Variants in PLA2G12A observed in about 807,000 individuals in gnomAD.
The protein encoded by PLA2G12A is phospholipase A2 group XIIA.
Under a neutral mutation model 16.0 loss-of-function variants are expected in PLA2G12A, and 11 were observed. The observed-to-expected ratio is 0.69, with a 90% CI of 0.43 to 1.13. The LOEUF (loss-of-function observed/expected upper bound fraction) is 1.13. Among genes scored for constraint, PLA2G12A ranks in the 50% most tolerant of loss-of-function variants. The pLI, the probability that PLA2G12A is intolerant of heterozygous loss-of-function variation, is 0.00. For missense variants in PLA2G12A, 214 were observed against 237.3 expected (o/e 0.90, Z 0.65); for synonymous variants, 77 against 93.8 (o/e 0.82, Z 1.03).
At chr4:109,715,702 T>C (rs1276639143) in intron 3 of PLA2G12A, among the ~76,000 whole-genome samples, 4 of 152,158 alleles carry the variant, frequency 2.6e-5, no homozygotes, top group Non-Finnish European at 4.4e-5. Flanking sequence ...CTCAAACTCC[T>C]GGGCTCAAGT....
rs764056552 is a variant in PLA2G12A at position 109,729,607 on chromosome 4, C to T, written c.203G>A (p.Ser68Asn). The T allele has an allele frequency of 6.2e-7, 1 of 1,608,010 alleles. No individual in the cohort carries two copies. The highest frequency in any genetic ancestry group is 1.1e-5 in the South Asian group (1 of 90,900). ...GEDGLCQYKC[S>N]DGSKPFPRYG... The stretch of plus-strand genomic sequence containing the variant: ...GGGCCCGGGTGCCCCCTCACCGTCA[C>T]TGCATTTATACTGGCAGAGACCGTC... Residue 68 changes from serine (S) to asparagine (N), a missense_variant, in exon 1 of 4, where the codon AGT becomes AAT. Physicochemically the swap from Ser to Asn is conservative, Grantham distance 46. Coordinates refer to ENST00000243501, the MANE Select transcript of PLA2G12A (RefSeq NM_030821.5).
At chr4:109,715,648 AT>A (rs1413141762) in intron 3 of PLA2G12A, among the ~76,000 whole-genome samples, 1 of 151,560 alleles carries the variant, frequency 6.6e-6, no homozygotes, top group Non-Finnish European at 1.5e-5. Context: ...TAATTTTTGT[AT>A]TTTTTGTTAG....
intron 1 of PLA2G12A, among the ~76,000 whole-genome samples, chr4:109,719,964 T>C (rs529728658): frequency 1.3e-5 from 2 of 152,326 alleles, no homozygotes; most frequent in African/African-American, 4.8e-5. Context: ...CACATTAAAA[T>C]GAAGTATGCT....
At chr4:109,728,650 T>C (rs1722984406) in intron 1 of PLA2G12A, among the ~76,000 whole-genome samples, 1 of 152,202 alleles carries the variant, frequency 6.6e-6, no homozygotes, top group African/African-American at 2.4e-5. Flanking sequence ...GCAGGCAGCA[T>C]GTGGCATCAT....
At chr4:109,720,215 T>G (rs1730897914) in intron 1 of PLA2G12A, among the ~76,000 whole-genome samples, 1 of 152,192 alleles carries the variant, frequency 6.6e-6, no homozygotes, top group Non-Finnish European at 1.5e-5. Flanking sequence ...ACAATTTATC[T>G]TGCCTTCTAA....
intron 1 of PLA2G12A, among the ~76,000 whole-genome samples, chr4:109,723,897 C>T (rs1263865831): frequency 6.6e-6 from 1 of 152,148 alleles, no homozygotes; most frequent in Non-Finnish European, 1.5e-5. Context: ...AAAAAAGTGT[C>T]TAGTGGTTAA....
rs187486257 is a variant in PLA2G12A, at chr4:109,723,978, C to T, written c.209-5219G>A. 1.2e-4 allele frequency among the ~76,000 whole-genome samples: 18 copies of T among 152,248 alleles called. No individual in the cohort carries two copies. In the East Asian group the frequency reaches 3.1e-3, roughly 26 times the overall value. On this transcript the variant is annotated intron_variant, in intron 1 of 3. Coordinates refer to ENST00000243501, the MANE Select transcript of PLA2G12A (RefSeq NM_030821.5). ...TATCCTATGTTTCCAACTTTTTAGA[C>T]ACCTTGTACATTCTCCCTCCCTCCC...
intron 1 of PLA2G12A, among the ~76,000 whole-genome samples, chr4:109,722,525 G>A (rs1043842443): frequency 2.0e-5 from 3 of 152,194 alleles, no homozygotes; most frequent in Non-Finnish European, 1.5e-5. Context: ...ATCACCATGT[G>A]AGGACACAGC....
intron 1 of PLA2G12A, among the ~76,000 whole-genome samples, chr4:109,722,946 G>C (rs370989640): frequency 1.2e-4 from 19 of 152,286 alleles, no homozygotes; most frequent in East Asian, 9.7e-4. Context: ...GGAAGGCTTG[G>C]AATATTCATT....
rs1457079635 is a variant in PLA2G12A, at chr4:109,729,774, C to G, written c.36G>C (p.Leu12=). 7.7e-6 allele frequency: 12 copies of G among 1,567,028 alleles called. No homozygotes were observed. In the East Asian group the frequency reaches 2.1e-4, roughly 28 times the overall value. The change falls in exon 1 of 4, where the codon CTG becomes CTC. Residue 12 remains leucine, a synonymous_variant. Transcript: ENST00000243501. ...ALLSRPALTL[L]LLLMAAVVRC... ...TGACAACAGCGGCCATGAGGAGGAG[C>G]AGGAGGGTGAGCGCGGGGCGCGAGA... is the stretch of plus-strand genomic sequence containing the variant.
At chr4:109,715,617 C>A (rs956272269) in intron 3 of PLA2G12A, among the ~76,000 whole-genome samples, 2 of 152,142 alleles carry the variant, frequency 1.3e-5, no homozygotes, top group Admixed American at 6.5e-5. Context: ...TTCTGAGTAA[C>A]TGGGACTATA....
chr4:109,722,389 T>C (rs553184244), intron 1 of PLA2G12A, among the ~76,000 whole-genome samples: 28 of 152,362 alleles, frequency 1.8e-4, no homozygotes, highest in African/African-American at 6.7e-4. Flanking sequence ...TGTTGAAACC[T>C]AATCACCAAT....
rs966952100 is a variant in PLA2G12A at position 109,712,616 on chromosome 4, C to A, written c.*1761G>T. 6.6e-6 allele frequency: 1 copy of A among 152,140 alleles called. No individual in the cohort carries two copies. Among genetic ancestry groups the A allele is most frequent in the African/African-American group, 2.4e-5 (1 of 41,392 alleles). 9.4% of individuals were successfully genotyped at this position (152,140 alleles called of 1,614,324 possible). ...GGTTCAAGTGATTCTCGTACCTCAG[C>A]TTCCTGAGTAGCTGAGACTATAAGC... On this transcript the variant is annotated 3_prime_UTR_variant, in exon 4 of 4. Transcript: ENST00000243501.
intron 3 of PLA2G12A, among the ~76,000 whole-genome samples, chr4:109,714,930 CAG>C (rs1186685181): frequency 6.6e-6 from 1 of 150,476 alleles, no homozygotes; most frequent in Non-Finnish European, 1.5e-5. Flanking sequence ...TAATTTTAAA[CAG>C]ACACACAACA....
rs903000414 is a variant in PLA2G12A, at chr4:109,718,558, C to A, written c.285+125G>T. 5.8e-6 allele frequency: 4 copies of A among 693,056 alleles called. No homozygotes were observed. The East Asian group carries it at 1.2e-4, about 21-fold the overall frequency. The allele number at this position is 693,056 out of a possible 1,614,324, so 42.9% of individuals were successfully genotyped here. A position where few individuals can be genotyped will look rare whatever the true frequency, so the allele number is the denominator to read the frequency against. ...GTTTTGCCAAAAAGAATCTAATAAA[C>A]CTGATCACTCTTACACCCAGCTAAA... is the stretch of plus-strand genomic sequence containing the variant. On this transcript the variant is annotated intron_variant, in intron 2 of 3. Coordinates refer to ENST00000243501, the MANE Select transcript of PLA2G12A (RefSeq NM_030821.5).
chr4:109,722,177 G>A (rs1319051650), intron 1 of PLA2G12A, among the ~76,000 whole-genome samples: 1 of 152,182 alleles, frequency 6.6e-6, no homozygotes, highest in African/African-American at 2.4e-5. Context: ...GTCTTCCCAT[G>A]ATTTCTCTGA....
chr4:109,722,087 C>CAT (rs1730955391), intron 1 of PLA2G12A, among the ~76,000 whole-genome samples: 1 of 152,192 alleles, frequency 6.6e-6, no homozygotes, highest in Admixed American at 6.5e-5. Flanking sequence ...TTTTTCTGCT[C>CAT]AGAGACGCTT....
In PLA2G12A at chr4:109,712,832, G is replaced by C. The variant is rs1482951479; in HGVS notation, c.*1545C>G. ...ATTATTAATAATGGCTTACAAAACT[G>C]TACCTTTTATAAAGGTTTGAAATAA... On this transcript the variant is annotated 3_prime_UTR_variant, in exon 4 of 4. Transcript: ENST00000243501. 6.6e-6 allele frequency: 1 copy of C among 152,026 alleles called. No homozygotes were observed. The highest frequency in any genetic ancestry group is 1.9e-4 in the East Asian group (1 of 5,178). The allele number at this position is 152,026 out of a possible 1,614,324, so 9.4% of individuals were successfully genotyped here. A position where few individuals can be genotyped will look rare whatever the true frequency, so the allele number is the denominator to read the frequency against.
At position 109,711,053 on chromosome 4, in the gene PLA2G12A, C is replaced by CTTTTTTTTTTT. The variant is rs67674001; in HGVS notation, c.*3313_*3323dup. ...AGAGCTGCTGACAGTTAGTTCTTGC[C>CTTTTTTTTTTT]TTTTTTTTTTTTTTTTTTTTTTTGC... On this transcript the variant is annotated 3_prime_UTR_variant, in exon 4 of 4. Coordinates refer to ENST00000243501, the MANE Select transcript of PLA2G12A (RefSeq NM_030821.5). 3.4e-3 allele frequency: 193 copies of CTTTTTTTTTTT among 57,222 alleles called. 1 individual carries two copies. The highest frequency in any genetic ancestry group is 4.0e-3 in the Non-Finnish European group (130 of 32,232). The allele number at this position is 57,222 out of a possible 1,614,324, so 3.5% of individuals were successfully genotyped here.
Sources: allele counts gnomAD v4.1 joint callset (sites outside exome capture counted in the v4.1 genomes callset), GRCh38; gene constraint gnomAD v4.1.1; transcripts MANE v1.5; gene names NCBI Gene and HGNC (gene_info 2026-07-23, HGNC 2026-07-21).